The following ADD3 variants were observed in gnomAD, a reference collection of about 807,000 sequenced individuals.
The protein encoded by ADD3 is gamma-adducin.
Under a neutral mutation model 80.2 loss-of-function variants are expected in ADD3, and 25 were observed. That is an observed-to-expected ratio of 0.31 (90% CI 0.23 to 0.44). The LOEUF is 0.44. ADD3 is among the 20% of genes least tolerant of loss of function. The pLI is 1.00. For synonymous variants in ADD3, 284 were observed against 289.6 expected, an observed-to-expected ratio of 0.98 and a Z score of 0.20; for missense variants, 829 against 847.5, an observed-to-expected ratio of 0.98 and a Z score of 0.27.
intron 12 of ADD3, among the ~76,000 whole-genome samples, chr10:110,129,743 C>A (rs1852694536): frequency 6.6e-6 from 1 of 152,146 alleles, no homozygotes; most frequent in Non-Finnish European, 1.5e-5. Flanking sequence ...ACTTGCATTC[C>A]AGCTTCCAAA....
intron 14 of ADD3, 120 bp from the exon 15 acceptor site, chr10:110,133,206 C>A: frequency 1.1e-6 from 1 of 935,220 alleles, no homozygotes; most frequent in South Asian, 2.9e-5. Context: ...AAATAATGAT[C>A]TGTCTTCATT....
chr10:110,065,539 C>CT (rs1217733559), intron 1 of ADD3, among the ~76,000 whole-genome samples: 453 of 31,184 alleles, frequency 0.015, 99 homozygotes, highest in Middle Eastern at 0.043. Flanking sequence ...TCTCTCTCCC[C>CT]TTTTTTTTTT....
chr10:110,016,992 A>T (rs7075717), intron 1 of ADD3, among the ~76,000 whole-genome samples: 3 of 152,116 alleles, frequency 2.0e-5, no homozygotes, highest in Non-Finnish European at 4.4e-5. Flanking sequence ...ATATTTATAT[A>T]TATTATATGT....
intron 4 of ADD3, among the ~76,000 whole-genome samples, chr10:110,116,695 T>A (rs2134093905): frequency 6.6e-6 from 1 of 152,318 alleles, no homozygotes; most frequent in African/African-American, 2.4e-5. Context: ...TCCCTCTCCA[T>A]GATAATTATG....
chr10:110,076,407 A>G (rs1028566759), intron 1 of ADD3, among the ~76,000 whole-genome samples: 1 of 152,212 alleles, frequency 6.6e-6, no homozygotes, highest in Non-Finnish European at 1.5e-5. Flanking sequence ...AAAGTATGGT[A>G]TGCATAATAA....
At chr10:110,055,050 C>T (rs777727249) in intron 1 of ADD3, among the ~76,000 whole-genome samples, 2 of 152,164 alleles carry the variant, frequency 1.3e-5, no homozygotes, top group African/African-American at 4.8e-5. Context: ...CATGAGCCAC[C>T]GCACCCAGCA....
At chr10:110,025,592 G>A (rs943138535) in intron 1 of ADD3, among the ~76,000 whole-genome samples, 4 of 152,232 alleles carry the variant, frequency 2.6e-5, no homozygotes, top group African/African-American at 7.2e-5. Context: ...AATAGAGAGG[G>A]TGATAAAATC....
intron 6 of ADD3, 108 bp downstream of exon 6, chr10:110,118,844 C>A (rs899427709): frequency 4.4e-6 from 5 of 1,139,492 alleles, no homozygotes; most frequent in African/African-American, 3.2e-5. Flanking sequence ...ATATTTGATA[C>A]AATAATCTGC....
chr10:110,006,775 T>C (rs532432329), upstream of ADD3, among the ~76,000 whole-genome samples: 1 of 150,498 alleles, frequency 6.6e-6, no homozygotes, highest in Non-Finnish European at 1.5e-5. Context: ...ATGAGGCGGA[T>C]GGCGTGAGGT....
intron 1 of ADD3, among the ~76,000 whole-genome samples, chr10:110,090,222 T>C (rs1247767535): frequency 2.0e-5 from 3 of 149,938 alleles, no homozygotes; most frequent in African/African-American, 7.5e-5. Flanking sequence ...TTGACTTTTT[T>C]TTTTTTTTTT....
chr10:110,003,791 A>G (rs1268888228), upstream of ADD3, among the ~76,000 whole-genome samples: 1 of 152,234 alleles, frequency 6.6e-6, no homozygotes, highest in African/African-American at 2.4e-5. Flanking sequence ...AATACAAATC[A>G]GGCACGTCTA....
intron 1 of ADD3, among the ~76,000 whole-genome samples, chr10:110,059,498 G>C (rs1858615763): frequency 6.6e-6 from 1 of 151,402 alleles, no homozygotes; most frequent in Non-Finnish European, 1.5e-5. Flanking sequence ...GCCGGGTGCA[G>C]GTGTCTGTAA....
chr10:110,025,707 C>G (rs1023291464), intron 1 of ADD3, among the ~76,000 whole-genome samples: 5 of 152,136 alleles, frequency 3.3e-5, no homozygotes, highest in Non-Finnish European at 7.4e-5. Context: ...TGTGGCAGAT[C>G]TAGACTCAAA....
At chr10:110,042,466 G>C (rs1304505176) in intron 1 of ADD3, among the ~76,000 whole-genome samples, 8 of 152,078 alleles carry the variant, frequency 5.3e-5, no homozygotes, top group Admixed American at 5.2e-4. Flanking sequence ...GTCTGGAAGT[G>C]TATGTTCAGT....
At chr10:110,011,849 G>T (rs1852373136) in intron 1 of ADD3, among the ~76,000 whole-genome samples, 1 of 152,202 alleles carries the variant, frequency 6.6e-6, no homozygotes, top group Non-Finnish European at 1.5e-5. Flanking sequence ...TTATAGGTGA[G>T]ATTGTTATGA....
intron 1 of ADD3, among the ~76,000 whole-genome samples, chr10:110,012,324 G>C (rs1002938453): frequency 7.9e-5 from 12 of 152,172 alleles, no homozygotes; most frequent in African/African-American, 2.9e-4. Flanking sequence ...GTTCAAAATT[G>C]AATTGCCAGT....
intron 1 of ADD3, among the ~76,000 whole-genome samples, chr10:110,040,611 G>A (rs1441873373): frequency 1.3e-5 from 2 of 152,118 alleles, no homozygotes; most frequent in Non-Finnish European, 1.5e-5. Context: ...GGGAAATAGG[G>A]AGCCAAAGAA....
intron 2 of ADD3, among the ~76,000 whole-genome samples, chr10:110,109,280 A>T (rs1849723976): frequency 6.6e-6 from 1 of 152,088 alleles, no homozygotes; most frequent in East Asian, 1.9e-4. Flanking sequence ...AAGCTGTCTT[A>T]ATTCATGTTG....
chr10:110,015,635 A>G (rs371422970), intron 1 of ADD3, among the ~76,000 whole-genome samples: 1 of 152,070 alleles, frequency 6.6e-6, no homozygotes, highest in East Asian at 1.9e-4. Context: ...CGGCCTCCCA[A>G]AGTTCTGGGA....
Sources: gnomAD v4.1 joint callset for allele counts (sites outside exome capture counted in the v4.1 genomes callset) on GRCh38, gnomAD v4.1.1 for gene constraint, MANE v1.5 for transcripts, NCBI Gene and HGNC (gene_info 2026-07-23, HGNC 2026-07-21) for gene names.